Variants in MAIP1 observed in about 807,000 individuals in gnomAD.
MAIP1 encodes m-AAA protease-interacting protein 1, mitochondrial.
Under a neutral mutation model 31.2 loss-of-function variants are expected in MAIP1, and 28 were observed. The ratio of observed to expected loss-of-function variants is 0.90; its 90% CI spans 0.67 to 1.23. The LOEUF is 1.23. MAIP1 is among the 50% of genes most tolerant of loss of function. The pLI is 0.00. For missense variants in MAIP1, 339 were observed against 356.0 expected, an observed-to-expected ratio of 0.95 and a Z score of 0.38; for synonymous variants, 142 against 142.3, an observed-to-expected ratio of 1.00 and a Z score of 0.02.
intron 3 of MAIP1, among the ~76,000 whole-genome samples, chr2:199,960,942 G>T (rs146463193): frequency 6.6e-6 from 1 of 151,924 alleles, no homozygotes; most frequent in African/African-American, 2.4e-5. Context: ...AATATTTTCC[G>T]CTTCCCTAAT....
At chr2:199,963,588 CTT>C (rs894113915) in intron 4 of MAIP1, 143 bp from the exon 5 acceptor site, 7 of 479,914 alleles carry the variant, frequency 1.5e-5, no homozygotes, top group Non-Finnish European at 2.2e-5. Context: ...GTAGGTTAAA[CTT>C]TTTTTTGTTT....
intron 1 of MAIP1, among the ~76,000 whole-genome samples, chr2:199,957,711 A>G (rs778382325): frequency 1.4e-4 from 22 of 152,188 alleles, no homozygotes; most frequent in Non-Finnish European, 2.8e-4. Flanking sequence ...CAAAGAACAA[A>G]CTTGATTAAG....
At chr2:199,955,377 C>G (rs771756428), upstream of MAIP1, 18 of 1,612,134 alleles carry the variant, frequency 1.1e-5, no homozygotes, top group Non-Finnish European at 1.5e-5. Flanking sequence ...GGTTCTGCCC[C>G]GCGCGAGGGC....
intron 3 of MAIP1, among the ~76,000 whole-genome samples, chr2:199,960,717 C>T (rs1436442579): frequency 1.3e-5 from 2 of 152,128 alleles, no homozygotes; most frequent in Non-Finnish European, 2.9e-5. Context: ...ACTTGAGCAT[C>T]TGTGGATTTT....
At chr2:199,955,571 G>C, upstream of MAIP1, 3 of 1,450,554 alleles carry the variant, frequency 2.1e-6, no homozygotes, top group South Asian at 1.3e-5. Flanking sequence ...GAAAAGGTCC[G>C]CGAGGCCGGC....
In MAIP1 at chr2:199,955,842, G is replaced by T. The variant is rs753797211; in HGVS notation, c.44G>T (p.Arg15Leu). The change falls in exon 1 of 5, where the codon CGG becomes CTG. Residue 15 changes from arginine to leucine, a missense_variant. By Grantham distance (102) the Arg-to-Leu change is moderately radical. Transcript: ENST00000392290. Reference sequence around the variant, plus strand: ...TTGCTACCCCAGTTCCTGCACTCTCGGTCGCTGCCCTGCGGGGCCGTCCGA... The same window carrying T: ...TTGCTACCCCAGTTCCTGCACTCTCTGTCGCTGCCCTGCGGGGCCGTCCGA... The part of the protein sequence containing the change: ...ARLLPQFLHS[R>L]SLPCGAVRLR... 3 of 1,522,056 alleles carry T rather than the reference G, an allele frequency of 2.0e-6. No individual in the cohort carries two copies. Among genetic ancestry groups the T allele is most frequent in the Admixed American group, 4.5e-5 (2 of 44,628 alleles). The allele number at this position is 1,522,056 out of a possible 1,614,324, so 94.3% of individuals were successfully genotyped here.
chr2:199,963,286 T>C (rs2077645793), intron 4 of MAIP1, among the ~76,000 whole-genome samples: 1 of 152,206 alleles, frequency 6.6e-6, no homozygotes, highest in Non-Finnish European at 1.5e-5. Context: ...CCACTATTTA[T>C]TCCTAAATTG....
At position 199,955,936 on chromosome 2, in the gene MAIP1, C is replaced by T. The variant is rs754971936; in HGVS notation, c.138C>T (p.Arg46=). 1.2e-5 allele frequency: 19 copies of T among 1,602,786 alleles called. No homozygotes were observed. The highest frequency in any genetic ancestry group is 1.6e-5 in the Non-Finnish European group (19 of 1,172,998). ...CACTTTGCTACTTCTGCCGCTGTCG[C>T]CTCGGCTTGGGAGCGGCGTTATTTC... ...SATLCYFCRC[R]LGLGAALFPR... The change falls in exon 1 of 5, where the codon CGC becomes CGT. Residue 46 remains arginine (R), a synonymous_variant. Coordinates refer to ENST00000392290, the MANE Select transcript of MAIP1 (RefSeq NM_001394955.1).
intron 1 of MAIP1, among the ~76,000 whole-genome samples, chr2:199,957,166 C>T (rs552542952): frequency 1.3e-5 from 2 of 151,832 alleles, no homozygotes; most frequent in African/African-American, 2.4e-5. Flanking sequence ...TTTGGGAGGC[C>T]GAGGCAGGTG....
chr2:199,958,374 G>C lies in MAIP1; in HGVS notation c.451-894G>C, dbSNP rs541223892. 3.9e-5 allele frequency among the ~76,000 whole-genome samples: 6 copies of C among 152,084 alleles called. No individual in the cohort carries two copies. The South Asian group carries it at 1.2e-3, about 32-fold the overall frequency. ...TATAGTCACATTTCAAGGTTCTGGGGGTTAGAGCTTCAGCATAAATTTTCG... is the reference window on the plus strand; with the variant it reads ...TATAGTCACATTTCAAGGTTCTGGGCGTTAGAGCTTCAGCATAAATTTTCG... On this transcript the variant is annotated intron_variant, in intron 1 of 4. Coordinates refer to ENST00000392290, the MANE Select transcript of MAIP1 (RefSeq NM_001394955.1).
At chr2:199,959,217 A>G in intron 1 of MAIP1, 51 bp from the exon 2 acceptor site, 2 of 893,856 alleles carry the variant, frequency 2.2e-6, no homozygotes, top group Non-Finnish European at 3.8e-6. Context: ...TGAACATGGT[A>G]TGGTATTTTG....
intron 1 of MAIP1, 87 bp from the exon 2 acceptor site, chr2:199,959,181 C>T (rs541302350): frequency 5.8e-6 from 4 of 694,064 alleles, no homozygotes; most frequent in East Asian, 2.6e-5. Flanking sequence ...ATAAAATAGT[C>T]TGTATTACAC....
upstream of MAIP1, chr2:199,955,442 C>G: frequency 6.2e-7 from 1 of 1,613,922 alleles, no homozygotes. Context: ...GCCCTCCAGC[C>G]GGGGTACCGG....
At chr2:199,960,972 C>A (rs1465997266) in intron 3 of MAIP1, among the ~76,000 whole-genome samples, 1 of 152,164 alleles carries the variant, frequency 6.6e-6, no homozygotes, top group African/African-American at 2.4e-5. Context: ...TGCATCTCAG[C>A]ACCATGGTCA....
In MAIP1 at chr2:199,956,165, AG is replaced by A. The variant is rs777400556; in HGVS notation, c.369del (p.Thr124LeufsTer56). The part of the protein sequence containing the change: ...LGFSNPINWV[R>X]TRIKAFLIWA... ...ATTCTCCAACCCCATCAACTGGGTT[AG>A]GACTCGAATTAAGGCCTTCCTTATC... On this transcript the variant is annotated frameshift_variant, in exon 1 of 5. Coordinates refer to ENST00000392290, the MANE Select transcript of MAIP1 (RefSeq NM_001394955.1). LOFTEE classifies it high-confidence loss of function. The A allele has an allele frequency of 1.2e-5, 19 of 1,614,202 alleles. No homozygotes were observed. In the Admixed American group the frequency reaches 1.5e-4, roughly 13 times the overall value.
At position 199,956,142 on chromosome 2, in the gene MAIP1, T is replaced by C. The variant is rs1041347640; in HGVS notation, c.344T>C (p.Phe115Ser). ...HQKTKMIVLG[F>S]SNPINWVRTR... The stretch of plus-strand genomic sequence containing the variant: ...AAAACCAAGATGATCGTCCTGGGAT[T>C]CTCCAACCCCATCAACTGGGTTAGG... The change falls in exon 1 of 5, where the codon TTC becomes TCC. Residue 115 changes from phenylalanine to serine, a missense_variant. Coordinates refer to ENST00000392290, the MANE Select transcript of MAIP1 (RefSeq NM_001394955.1). 3.7e-6 allele frequency: 6 copies of C among 1,614,208 alleles called. No individual in the cohort carries two copies. Among genetic ancestry groups the C allele is most frequent in the Non-Finnish European group, 5.1e-6 (6 of 1,180,022 alleles).
chr2:199,958,447 G>T (rs1437044032), intron 1 of MAIP1, among the ~76,000 whole-genome samples: 1 of 152,152 alleles, frequency 6.6e-6, no homozygotes, highest in Non-Finnish European at 1.5e-5. Context: ...AGTATTCTCT[G>T]ACATGCCATA....
At chr2:199,961,040 G>A (rs1360844361) in intron 3 of MAIP1, among the ~76,000 whole-genome samples, 1 of 152,166 alleles carries the variant, frequency 6.6e-6, no homozygotes, top group African/African-American at 2.4e-5. Context: ...AAGGTGAATT[G>A]GGTAGAATAG....
chr2:199,959,831 A>AATTGTATTTACATCAACAGGAGAC lies in MAIP1; in HGVS notation c.603_626dup (p.Val202_Ile209dup). 6.2e-7 allele frequency: 1 copy of AATTGTATTTACATCAACAGGAGAC among 1,612,228 alleles called. No individual in the cohort carries two copies. Among genetic ancestry groups the AATTGTATTTACATCAACAGGAGAC allele is most frequent in the Non-Finnish European group, 8.5e-7 (1 of 1,178,816 alleles). The stretch of plus-strand genomic sequence containing the variant: ...ATGCCCTTGCTGCTAACATAGATGA[A>AATTGTATTTACATCAACAGGAGAC]ATTGTATTTACATCAACAGGAGACA... On this transcript the variant is annotated inframe_insertion, in exon 3 of 5. Transcript: ENST00000392290.
Sources: allele counts gnomAD v4.1 joint callset (sites outside exome capture counted in the v4.1 genomes callset), GRCh38; gene constraint gnomAD v4.1.1; transcripts MANE v1.5; gene names NCBI Gene and HGNC (gene_info 2026-07-23, HGNC 2026-07-21).